The following FARS2 variants were observed in gnomAD, a reference collection of about 807,000 sequenced individuals.
The protein encoded by FARS2 is phenylalanyl-tRNA synthetase 2, mitochondrial, also known as phenylalanine--tRNA ligase, mitochondrial.
In FARS2, 40 loss-of-function variants were observed where a neutral mutation model predicts 46.4. That is an observed-to-expected ratio of 0.86 (90% CI 0.67 to 1.12). The LOEUF is 1.12. Among genes scored for constraint, FARS2 ranks in the 50% most tolerant of loss-of-function variants. The pLI, the probability that FARS2 is intolerant of heterozygous loss-of-function variation, is 0.00. For synonymous variants in FARS2, 234 were observed against 214.9 expected (o/e 1.09, Z -0.78); for missense variants, 513 against 567.9 (o/e 0.90, Z 0.98).
chr6:5,724,521 C>T (rs1346313358), intron 6 of FARS2, among the ~76,000 whole-genome samples: 1 of 152,134 alleles, frequency 6.6e-6, no homozygotes, highest in East Asian at 1.9e-4. Context: ...CCCCAGGACG[C>T]AAAAAGAAAC....
At chr6:5,556,755 A>T (rs1471263367) in intron 5 of FARS2, among the ~76,000 whole-genome samples, 1 of 152,116 alleles carries the variant, frequency 6.6e-6, no homozygotes, top group African/African-American at 2.4e-5. Context: ...CTTGTAGTGT[A>T]GATTGGAAGA....
intron 1 of FARS2, among the ~76,000 whole-genome samples, chr6:5,356,002 C>T (rs1261752452): frequency 6.6e-6 from 1 of 152,178 alleles, no homozygotes; most frequent in Non-Finnish European, 1.5e-5. Flanking sequence ...ATAAATCTGA[C>T]TTGCCCGATG....
Position 5,277,978 on chromosome 6 carries a change from C to T in FARS2, c.-22+16318C>T, listed in dbSNP as rs922649903. ...GAGTTTGATGTCTTATATCCTGCTC[C>T]GTTTGGACTAGAACCTTAATCTTTT... On this transcript the variant is annotated intron_variant, in intron 1 of 6. Transcript: ENST00000274680. 5.3e-5 allele frequency among the ~76,000 whole-genome samples: 8 copies of T among 152,226 alleles called. 1 individual carries two copies. The South Asian group carries it at 6.2e-4, about 12-fold the overall frequency.
At chr6:5,547,477 G>A (rs1771106275) in intron 5 of FARS2, among the ~76,000 whole-genome samples, 1 of 151,854 alleles carries the variant, frequency 6.6e-6, no homozygotes, top group Non-Finnish European at 1.5e-5. Context: ...CTGCTAAGGT[G>A]ACTAGGCCAG....
intron 4 of FARS2, among the ~76,000 whole-genome samples, chr6:5,475,474 A>G (rs1043479950): frequency 6.6e-6 from 1 of 152,208 alleles, no homozygotes; most frequent in Non-Finnish European, 1.5e-5. Flanking sequence ...AAGAGGACAG[A>G]TGAGAAGACG....
intron 5 of FARS2, among the ~76,000 whole-genome samples, chr6:5,563,129 C>A (rs75154256): frequency 2.6e-5 from 4 of 152,056 alleles, no homozygotes; most frequent in African/African-American, 9.7e-5. Context: ...CCACCTGCCA[C>A]GTATACCAGC....
chr6:5,303,219 G>A (rs1768447046), intron 1 of FARS2, among the ~76,000 whole-genome samples: 1 of 152,132 alleles, frequency 6.6e-6, no homozygotes, highest in African/African-American at 2.4e-5. Context: ...CAGTGGGGAA[G>A]TGAAGGTATA....
At chr6:5,422,360 TTCTCTCTC>T (rs149247829) in intron 3 of FARS2, among the ~76,000 whole-genome samples, 1 of 151,124 alleles carries the variant, frequency 6.6e-6, no homozygotes, top group African/African-American at 2.4e-5. Flanking sequence ...GCCTGTTTGG[TTCTCTCTC>T]TCTCTCTCTC....
intron 4 of FARS2, among the ~76,000 whole-genome samples, chr6:5,537,602 C>T (rs916364073): frequency 4.6e-5 from 7 of 151,520 alleles, no homozygotes; most frequent in Non-Finnish European, 7.4e-5. Context: ...GGCTTCCTCT[C>T]GAGTTGGAGA....
intron 4 of FARS2, among the ~76,000 whole-genome samples, chr6:5,468,523 G>C (rs899269519): frequency 1.3e-5 from 2 of 152,102 alleles, no homozygotes; most frequent in African/African-American, 4.8e-5. Flanking sequence ...TAATATTATA[G>C]AAAGAATACT....
intron 6 of FARS2, among the ~76,000 whole-genome samples, chr6:5,661,783 A>C (rs1355162490): frequency 6.8e-6 from 1 of 146,342 alleles, no homozygotes; most frequent in African/African-American, 2.7e-5. Context: ...ACTGAAGAAA[A>C]GAAGAGAGAC....
intron 2 of FARS2, among the ~76,000 whole-genome samples, chr6:5,376,622 G>A (rs1759399647): frequency 1.3e-5 from 2 of 152,140 alleles, no homozygotes; most frequent in South Asian, 4.1e-4. Flanking sequence ...TAACATAAAC[G>A]ATCTAGAGGT....
chr6:5,575,280 A>G (rs1258175471), intron 5 of FARS2, among the ~76,000 whole-genome samples: 1 of 152,194 alleles, frequency 6.6e-6, no homozygotes, highest in Non-Finnish European at 1.5e-5. Context: ...AGCTGGGAAC[A>G]TGTGTGTTCT....
chr6:5,331,821 G>C (rs1241340117), intron 1 of FARS2, among the ~76,000 whole-genome samples: 1 of 152,146 alleles, frequency 6.6e-6, no homozygotes, highest in Non-Finnish European at 1.5e-5. Flanking sequence ...GTCTTGGAGA[G>C]AGGGTTTTAC....
At chr6:5,585,691 T>C (rs982375304) in intron 5 of FARS2, among the ~76,000 whole-genome samples, 1 of 151,750 alleles carries the variant, frequency 6.6e-6, no homozygotes, top group African/African-American at 2.4e-5. Flanking sequence ...ATATATAATA[T>C]CCCATTATAT....
chr6:5,613,937 T>G (rs1187262429), intron 6 of FARS2, among the ~76,000 whole-genome samples: 2 of 151,778 alleles, frequency 1.3e-5, no homozygotes, highest in African/African-American at 4.8e-5. Flanking sequence ...AGAAGGATGA[T>G]GGGCAGTGAA....
chr6:5,333,353 A>G (rs761196364), intron 1 of FARS2, among the ~76,000 whole-genome samples: 5 of 152,162 alleles, frequency 3.3e-5, no homozygotes, highest in Non-Finnish European at 7.3e-5. Context: ...GGTTGAATGA[A>G]TTTGCTAGTC....
chr6:5,362,331 T>C (rs971980685), intron 1 of FARS2, among the ~76,000 whole-genome samples: 1 of 152,234 alleles, frequency 6.6e-6, no homozygotes, highest in Non-Finnish European at 1.5e-5. Flanking sequence ...TATTTTCACG[T>C]TGAGAAATAT....
intron 4 of FARS2, among the ~76,000 whole-genome samples, chr6:5,472,712 G>C: frequency 6.6e-6 from 1 of 152,150 alleles, no homozygotes. Context: ...CAATTATCTC[G>C]TAAGAGCTTA....
Sources: allele counts gnomAD v4.1 joint callset (sites outside exome capture counted in the v4.1 genomes callset), GRCh38; gene constraint gnomAD v4.1.1; transcripts MANE v1.5; gene names NCBI Gene and HGNC (gene_info 2026-07-23, HGNC 2026-07-21).